Variants in CDH4 observed in about 807,000 individuals in gnomAD.
The protein encoded by CDH4 is cadherin 4.
CDH4 carries 33 observed loss-of-function variants against 86.0 expected under a neutral mutation model. That is an observed-to-expected ratio of 0.38 (90% CI 0.29 to 0.51). The LOEUF (loss-of-function observed/expected upper bound fraction) is 0.51, where lower values mean the gene tolerates loss of function less well. Ranked by LOEUF, CDH4 falls within the 20% of genes least tolerant of loss-of-function variation. CDH4 has a pLI of 0.86. For synonymous variants in CDH4, 555 were observed against 549.4 expected (o/e 1.01, Z -0.14); for missense variants, 1,114 against 1,307.4 (o/e 0.85, Z 2.28).
chr20:61,774,756 A>G (rs1323538184), intron 4 of CDH4, among the ~76,000 whole-genome samples: 1 of 152,038 alleles, frequency 6.6e-6, no homozygotes, highest in East Asian at 1.9e-4. Flanking sequence ...GCTCCCACTT[A>G]TAAGTGAGAA....
At chr20:61,802,868 C>A (rs201783904) in intron 4 of CDH4, among the ~76,000 whole-genome samples, 8 of 152,222 alleles carry the variant, frequency 5.3e-5, no homozygotes, top group African/African-American at 1.9e-4. Context: ...CGTTCCTCCC[C>A]GTCCTCCTGG....
chr20:61,635,942 G>A (rs2086942011), intron 2 of CDH4, among the ~76,000 whole-genome samples: 1 of 152,214 alleles, frequency 6.6e-6, no homozygotes, highest in Non-Finnish European at 1.5e-5. Flanking sequence ...CAGTCTTCCA[G>A]GGAGGGGCAG....
At chr20:61,326,570 C>A (rs868733256) in intron 2 of CDH4, among the ~76,000 whole-genome samples, 5 of 152,168 alleles carry the variant, frequency 3.3e-5, no homozygotes, top group Middle Eastern at 3.2e-3. Context: ...CTTAAAATTA[C>A]ACTGTATGGA....
In CDH4 at chr20:61,713,462, G is replaced by A. The variant is rs562409659; in HGVS notation, c.170-30101G>A. Among the ~76,000 whole-genome samples the A allele has an allele frequency of 2.0e-4, 30 of 152,382 alleles. No individual in the cohort carries two copies. In the South Asian group the frequency reaches 5.4e-3, roughly 27 times the overall value. ...CTTTGTTTAAAGGCACTTTGGACACGTGTTCGTGGGGAAATCTTGGAATTC... is the reference window on the plus strand; with the variant it reads ...CTTTGTTTAAAGGCACTTTGGACACATGTTCGTGGGGAAATCTTGGAATTC... On this transcript the variant is annotated intron_variant, in intron 2 of 15. Coordinates refer to ENST00000614565, the MANE Select transcript of CDH4 (RefSeq NM_001794.5).
rs559103257 is a variant in CDH4, at chr20:61,493,173, G to A, written c.169+238236G>A. On this transcript the variant is annotated intron_variant, in intron 2 of 15. Transcript: ENST00000614565. ...TTTTCTATCTCTTGACTGTTTTCCA[G>A]GAGACGCAGAATACAGGCCTGTGTC... Among the ~76,000 whole-genome samples the A allele has an allele frequency of 4.1e-4, 62 of 152,354 alleles. 1 individual carries two copies. In the South Asian group the frequency reaches 7.5e-3, roughly 18 times the overall value.
intron 2 of CDH4, among the ~76,000 whole-genome samples, chr20:61,667,495 T>A (rs2087339887): frequency 6.6e-6 from 1 of 152,196 alleles, no homozygotes. Context: ...TCAAACCTGT[T>A]TCCAGAGAGG....
chr20:61,760,802 C>T (rs991984856), intron 3 of CDH4, among the ~76,000 whole-genome samples: 11 of 152,096 alleles, frequency 7.2e-5, no homozygotes, highest in African/African-American at 2.4e-4. Context: ...CGGTGGTGCT[C>T]GTGGGGCAGG....
At chr20:61,603,767 A>T (rs970941371) in intron 2 of CDH4, among the ~76,000 whole-genome samples, 1 of 152,196 alleles carries the variant, frequency 6.6e-6, no homozygotes, top group East Asian at 1.9e-4. Flanking sequence ...AAGCCTGCCT[A>T]GGTGTTCTCC....
intron 2 of CDH4, among the ~76,000 whole-genome samples, chr20:61,294,481 T>C (rs1371448603): frequency 1.3e-5 from 2 of 152,168 alleles, no homozygotes; most frequent in African/African-American, 4.8e-5. Flanking sequence ...CAGCTGCTCT[T>C]CCCATCACCC....
intron 2 of CDH4, among the ~76,000 whole-genome samples, chr20:61,698,319 G>C (rs975493169): frequency 6.6e-6 from 1 of 152,276 alleles, no homozygotes; most frequent in African/African-American, 2.4e-5. Context: ...TGAGGGCACA[G>C]AGTCGAGCCT....
chr20:61,634,744 G>A (rs1003847617), intron 2 of CDH4, among the ~76,000 whole-genome samples: 7 of 152,220 alleles, frequency 4.6e-5, no homozygotes, highest in South Asian at 2.1e-4. Context: ...TAGCTGTGCG[G>A]ACATCACCTC....
chr20:61,584,830 C>T (rs1013313359), intron 2 of CDH4, among the ~76,000 whole-genome samples: 8 of 149,186 alleles, frequency 5.4e-5, no homozygotes, highest in African/African-American at 5.0e-5. Context: ...ACGCACGGGG[C>T]GCGCTGCCTG....
At chr20:61,372,312 C>T (rs533319577) in intron 2 of CDH4, among the ~76,000 whole-genome samples, 1 of 152,320 alleles carries the variant, frequency 6.6e-6, no homozygotes, top group African/African-American at 2.4e-5. Context: ...CGCAATGGGA[C>T]CAGGCACCCA....
intron 2 of CDH4, among the ~76,000 whole-genome samples, chr20:61,682,478 CAGAT>C (rs1394196648): frequency 7.6e-5 from 11 of 144,776 alleles, no homozygotes; most frequent in Admixed American, 2.7e-4. Context: ...GATGGATGGA[CAGAT>C]GGATGGATGG....
chr20:61,866,525 T>A (rs954980007), intron 6 of CDH4, among the ~76,000 whole-genome samples: 1 of 152,182 alleles, frequency 6.6e-6, no homozygotes, highest in Non-Finnish European at 1.5e-5. Flanking sequence ...ACATTTGACA[T>A]GTGGAAAATG....
intron 2 of CDH4, among the ~76,000 whole-genome samples, chr20:61,301,844 G>A (rs558266973): frequency 2.0e-4 from 30 of 152,284 alleles, no homozygotes; most frequent in African/African-American, 5.8e-4. Context: ...GAACTAATTC[G>A]TATTGCCAGC....
At chr20:61,839,659 G>T (rs1240823823) in intron 4 of CDH4, among the ~76,000 whole-genome samples, 1 of 151,826 alleles carries the variant, frequency 6.6e-6, no homozygotes, top group African/African-American at 2.4e-5. Flanking sequence ...GTACATGTTT[G>T]TGTATGTGTA....
chr20:61,504,490 G>A (rs980196736), intron 2 of CDH4, among the ~76,000 whole-genome samples: 1 of 152,106 alleles, frequency 6.6e-6, no homozygotes, highest in South Asian at 2.1e-4. Flanking sequence ...GGATCTCAAC[G>A]GGGGGCAGGG....
intron 3 of CDH4, among the ~76,000 whole-genome samples, chr20:61,757,311 A>G (rs926964263): frequency 6.6e-6 from 1 of 152,222 alleles, no homozygotes; most frequent in East Asian, 1.9e-4. Context: ...TGGCCGTCCA[A>G]TGCACCCCAA....
Sources: allele counts gnomAD v4.1 joint callset (sites outside exome capture counted in the v4.1 genomes callset), GRCh38; gene constraint gnomAD v4.1.1; transcripts MANE v1.5; gene names NCBI Gene and HGNC (gene_info 2026-07-23, HGNC 2026-07-21).